Variants in ZNRF1 observed in about 807,000 individuals in gnomAD.
ZNRF1 encodes zinc and ring finger 1.
A neutral mutation model predicts 18.4 loss-of-function variants in ZNRF1; 3 were observed. The observed-to-expected ratio is 0.16, with a 90% CI of 0.07 to 0.42. The LOEUF (loss-of-function observed/expected upper bound fraction) is 0.42, where lower values mean the gene tolerates loss of function less well. Among genes scored for constraint, ZNRF1 ranks in the 10% least tolerant of loss-of-function variants. The pLI is 0.99. For synonymous variants in ZNRF1, 157 were observed against 144.2 expected (o/e 1.09, Z -0.64); for missense variants, 310 against 329.8 (o/e 0.94, Z 0.47).
intron 1 of ZNRF1, among the ~76,000 whole-genome samples, chr16:75,016,193 G>A (rs2035065137): frequency 6.6e-6 from 1 of 151,900 alleles, no homozygotes; most frequent in South Asian, 2.1e-4. Context: ...AAAGTGCTGG[G>A]ATTACAGGCA....
chr16:75,081,991 A>G (rs906490532), intron 1 of ZNRF1, among the ~76,000 whole-genome samples: 1 of 152,210 alleles, frequency 6.6e-6, no homozygotes, highest in Non-Finnish European at 1.5e-5. Context: ...TTTCTTAGAC[A>G]GTAGTTGGGG....
At chr16:75,057,112 A>G (rs972185952) in intron 1 of ZNRF1, among the ~76,000 whole-genome samples, 1 of 152,016 alleles carries the variant, frequency 6.6e-6, no homozygotes, top group African/African-American at 2.4e-5. Flanking sequence ...TTTGTTCAGA[A>G]TCTCCTGGGG....
chr16:75,107,001 T>C (rs2036324318), intron 4 of ZNRF1: 1 of 190,502 alleles, frequency 5.2e-6, no homozygotes, highest in African/African-American at 2.3e-5. Context: ...ATAAGGACAT[T>C]GCACTTACTA....
intron 2 of ZNRF1, among the ~76,000 whole-genome samples, chr16:75,103,770 A>G (rs994416568): frequency 5.9e-5 from 9 of 152,060 alleles, no homozygotes; most frequent in African/African-American, 2.2e-4. Context: ...GTGGATCACG[A>G]GGTCAGGAGT....
intron 1 of ZNRF1, among the ~76,000 whole-genome samples, chr16:75,031,781 C>T (rs564267819): frequency 1.3e-3 from 199 of 151,806 alleles, no homozygotes; most frequent in African/African-American, 4.6e-3. Flanking sequence ...GAATTACAGG[C>T]GTGAGCCACC....
intron 1 of ZNRF1, chr16:75,000,453 G>GTT (rs1241909627): frequency 7.6e-5 from 33 of 434,206 alleles, no homozygotes; most frequent in African/African-American, 5.2e-4. Flanking sequence ...CACTGTGCCT[G>GTT]CCTCACCGGT....
chr16:75,031,195 G>A (rs1325663564), intron 1 of ZNRF1, among the ~76,000 whole-genome samples: 4 of 150,432 alleles, frequency 2.7e-5, no homozygotes, highest in Admixed American at 1.3e-4. Context: ...GAACTGGCAC[G>A]ATCTTGGCTC....
chr16:75,100,361 A>T (rs1030420858), intron 2 of ZNRF1, among the ~76,000 whole-genome samples: 1 of 152,214 alleles, frequency 6.6e-6, no homozygotes. Flanking sequence ...GCCCCAGGAC[A>T]AGAAGAATCG....
At chr16:75,098,770 G>T (rs1249137985) in intron 2 of ZNRF1, among the ~76,000 whole-genome samples, 1 of 152,226 alleles carries the variant, frequency 6.6e-6, no homozygotes, top group Non-Finnish European at 1.5e-5. Context: ...AAGTGGAGAT[G>T]GAGAGGCATG....
At chr16:75,028,433 A>G (rs989939530) in intron 1 of ZNRF1, among the ~76,000 whole-genome samples, 3 of 152,204 alleles carry the variant, frequency 2.0e-5, no homozygotes, top group African/African-American at 7.2e-5. Context: ...AGCTGGGATT[A>G]CAACCATGTG....
chr16:75,095,642 T>G, intron 2 of ZNRF1: 1 of 1,550,160 alleles, frequency 6.5e-7, no homozygotes, highest in Non-Finnish European at 8.7e-7. Flanking sequence ...TGAGAAAACC[T>G]GGCTCTCAGG....
chr16:75,067,523 A>G (rs2035821006), intron 1 of ZNRF1, among the ~76,000 whole-genome samples: 1 of 152,216 alleles, frequency 6.6e-6, no homozygotes, highest in Non-Finnish European at 1.5e-5. Context: ...GGATTACCTA[A>G]GTTAAACTTC....
At chr16:75,088,148 C>T (rs2145417155) in intron 1 of ZNRF1, among the ~76,000 whole-genome samples, 1 of 152,334 alleles carries the variant, frequency 6.6e-6, no homozygotes, top group African/African-American at 2.4e-5. Context: ...TTTTAACCTT[C>T]AGGTAGTTCA....
chr16:75,054,964 A>C (rs905257340), intron 1 of ZNRF1, among the ~76,000 whole-genome samples: 2 of 152,246 alleles, frequency 1.3e-5, no homozygotes, highest in African/African-American at 4.8e-5. Flanking sequence ...TAGAGCAGAA[A>C]TTAAAGGAGC....
intron 2 of ZNRF1, among the ~76,000 whole-genome samples, chr16:75,096,061 C>CTGTGTGTGTGTGT (rs2036195611): frequency 1.4e-5 from 2 of 139,644 alleles, no homozygotes; most frequent in African/African-American, 5.3e-5. Flanking sequence ...TATGTGTGCA[C>CTGTGTGTGTGTGT]GTGTGTGTGT....
intron 1 of ZNRF1, among the ~76,000 whole-genome samples, chr16:75,020,406 G>A (rs1009122652): frequency 2.6e-5 from 4 of 151,574 alleles, no homozygotes; most frequent in Non-Finnish European, 5.9e-5. Context: ...TAGCAATTGT[G>A]TATTATCTTA....
At chr16:75,062,140 C>T (rs141686255) in intron 1 of ZNRF1, among the ~76,000 whole-genome samples, 2 of 152,194 alleles carry the variant, frequency 1.3e-5, no homozygotes, top group South Asian at 2.1e-4. Flanking sequence ...TCAGAAGAAT[C>T]GAGACAACTT....
At chr16:75,099,307 G>C (rs1210399384) in intron 2 of ZNRF1, among the ~76,000 whole-genome samples, 1 of 152,154 alleles carries the variant, frequency 6.6e-6, no homozygotes, top group Non-Finnish European at 1.5e-5. Context: ...CCTCCTCCCA[G>C]ATATCTTTGC....
At chr16:75,103,119 C>T (rs2036272001) in intron 2 of ZNRF1, among the ~76,000 whole-genome samples, 1 of 152,094 alleles carries the variant, frequency 6.6e-6, no homozygotes, top group Non-Finnish European at 1.5e-5. Flanking sequence ...TTTCCTTGTT[C>T]GGCATCCCTG....
Sources: allele counts gnomAD v4.1 joint callset (sites outside exome capture counted in the v4.1 genomes callset), GRCh38; gene constraint gnomAD v4.1.1; transcripts MANE v1.5; gene names NCBI Gene and HGNC (gene_info 2026-07-23, HGNC 2026-07-21).